Variants in CADM2 observed in about 807,000 individuals in gnomAD.
CADM2 encodes immunoglobulin superfamily member 4D.
A neutral mutation model predicts 49.8 loss-of-function variants in CADM2; 12 were observed. That is an observed-to-expected ratio of 0.24 (90% CI 0.15 to 0.39). The LOEUF (loss-of-function observed/expected upper bound fraction) is 0.39. Among genes scored for constraint, CADM2 ranks in the 10% least tolerant of loss-of-function variants. CADM2 has a pLI of 1.00. For missense variants in CADM2, 378 were observed against 492.3 expected (o/e 0.77, Z 2.20); for synonymous variants, 214 against 175.4 (o/e 1.22, Z -1.74).
At chr3:85,506,862 T>C (rs1352945629) in intron 1 of CADM2, among the ~76,000 whole-genome samples, 1 of 152,212 alleles carries the variant, frequency 6.6e-6, no homozygotes, top group Non-Finnish European at 1.5e-5. Context: ...ATTATCATTA[T>C]AGAATTAACT....
chr3:84,986,386 C>T (rs1198514403), intron 1 of CADM2, among the ~76,000 whole-genome samples: 1 of 152,126 alleles, frequency 6.6e-6, no homozygotes, highest in Non-Finnish European at 1.5e-5. Context: ...TGCCTCACTC[C>T]ATCTCCCACT....
At chr3:85,543,230 TTTTA>T (rs1260558335) in intron 1 of CADM2, among the ~76,000 whole-genome samples, 4 of 100,704 alleles carry the variant, frequency 4.0e-5, no homozygotes, top group African/African-American at 1.1e-4. Flanking sequence ...CCACAACTCT[TTTTA>T]TTTATTTATT....
At chr3:85,209,118 G>T (rs1480759703) in intron 1 of CADM2, among the ~76,000 whole-genome samples, 1 of 152,122 alleles carries the variant, frequency 6.6e-6, no homozygotes, top group East Asian at 1.9e-4. Context: ...AATATGCTGT[G>T]ATTTGTTTTT....
chr3:85,867,423 A>G (rs2075764123), intron 3 of CADM2, among the ~76,000 whole-genome samples: 1 of 152,030 alleles, frequency 6.6e-6, no homozygotes, highest in African/African-American at 2.4e-5. Context: ...TATTGATTGT[A>G]TATTATTTTA....
chr3:85,046,320 C>CTTTTTTT (rs924286569), intron 1 of CADM2, among the ~76,000 whole-genome samples: 5 of 122,842 alleles, frequency 4.1e-5, no homozygotes, highest in South Asian at 2.7e-4. Context: ...TTACAATTTT[C>CTTTTTTT]TTTTTTTTTT....
intron 1 of CADM2, among the ~76,000 whole-genome samples, chr3:85,541,773 T>TATATATATATA (rs1553739263): frequency 1.6e-4 from 1 of 6,178 alleles, no homozygotes; most frequent in African/African-American, 2.4e-4. Context: ...ATATTTTATA[T>TATATATATATA]TTTATATATA....
chr3:85,694,970 A>G (rs1389577229), intron 1 of CADM2, among the ~76,000 whole-genome samples: 1 of 152,186 alleles, frequency 6.6e-6, no homozygotes, highest in African/African-American at 2.4e-5. Flanking sequence ...ACATGCAATG[A>G]TAACTAATTG....
intron 1 of CADM2, among the ~76,000 whole-genome samples, chr3:85,145,417 T>TC (rs2039707571): frequency 1.3e-5 from 2 of 152,190 alleles, no homozygotes; most frequent in African/African-American, 4.8e-5. Flanking sequence ...TGACTTTTTT[T>TC]CCCACAGTAT....
rs59973385 is a variant in CADM2 at position 85,449,083 on chromosome 3, A to ATAATAATAATT, written c.62-277439_62-277438insTAATAATAATT. Among the ~76,000 whole-genome samples the ATAATAATAATT allele has an allele frequency of 7.8e-3, 1,149 of 148,228 alleles. 4 individuals are homozygous for ATAATAATAATT. The highest frequency in any genetic ancestry group is 0.014 in the Middle Eastern group (4 of 282). On this transcript the variant is annotated intron_variant, in intron 1 of 9. Transcript: ENST00000383699. ...TAATAATAATAATAATAATGATAAA[A>ATAATAATAATT]ATTATATAATTCATTATACCATCTT...
At chr3:85,471,729 C>A (rs200138341) in intron 1 of CADM2, among the ~76,000 whole-genome samples, 14 of 48,304 alleles carry the variant, frequency 2.9e-4, no homozygotes, top group Admixed American at 2.9e-3. Context: ...TTTTATTATA[C>A]TTTAAGTTCT....
rs78464998 is a variant in CADM2, at chr3:85,892,022, T to A, written c.529+5695T>A. Reference sequence around the variant, plus strand: ...AACTGAGATCTAGAGAGACAGAATATTTTTTCATGGTCACACATCTGGCAA... The same window carrying A: ...AACTGAGATCTAGAGAGACAGAATAATTTTTCATGGTCACACATCTGGCAA... On this transcript the variant is annotated intron_variant, in intron 5 of 9. Transcript: ENST00000383699. 6.9e-3 allele frequency among the ~76,000 whole-genome samples: 1,045 copies of A among 152,298 alleles called. 14 individuals are homozygous for A. Among genetic ancestry groups the A allele is most frequent in the African/African-American group, 0.022 (918 of 41,560 alleles).
chr3:85,197,699 C>G (rs950106169), intron 1 of CADM2, among the ~76,000 whole-genome samples: 9 of 151,962 alleles, frequency 5.9e-5, no homozygotes, highest in African/African-American at 2.2e-4. Flanking sequence ...GTAAATCGCA[C>G]AAGTCAGCAC....
At chr3:85,278,909 C>T (rs1274651591) in intron 1 of CADM2, among the ~76,000 whole-genome samples, 2 of 151,310 alleles carry the variant, frequency 1.3e-5, no homozygotes, top group South Asian at 4.2e-4. Flanking sequence ...TATCACATAT[C>T]AATGTAAAAC....
intron 1 of CADM2, among the ~76,000 whole-genome samples, chr3:85,473,839 G>A (rs563143641): frequency 1.2e-4 from 18 of 152,126 alleles, no homozygotes; most frequent in Non-Finnish European, 1.9e-4. Context: ...GCCCATGCCT[G>A]TACAACTTTT....
At chr3:85,442,940 T>A (rs1344051288) in intron 1 of CADM2, among the ~76,000 whole-genome samples, 3 of 151,882 alleles carry the variant, frequency 2.0e-5, no homozygotes, top group Non-Finnish European at 4.4e-5. Flanking sequence ...AATTTCCTGA[T>A]ATATTTAATA....
chr3:85,299,548 G>C (rs1009706854), intron 1 of CADM2, among the ~76,000 whole-genome samples: 1 of 152,048 alleles, frequency 6.6e-6, no homozygotes, highest in Admixed American at 6.6e-5. Context: ...GTATGGATCA[G>C]AAGATGTCAA....
At chr3:85,735,204 G>A (rs898055189) in intron 2 of CADM2, among the ~76,000 whole-genome samples, 8 of 152,070 alleles carry the variant, frequency 5.3e-5, no homozygotes, top group African/African-American at 1.9e-4. Flanking sequence ...GAATACTTGG[G>A]CAGAGTAGAA....
chr3:85,154,725 A>G (rs372765726), intron 1 of CADM2, among the ~76,000 whole-genome samples: 1 of 148,154 alleles, frequency 6.7e-6, no homozygotes, highest in East Asian at 2.0e-4. Context: ...AGCCCATCAG[A>G]CTAACAGCGG....
rs1478865381 is a variant in CADM2 at position 85,552,274 on chromosome 3, G to T, written c.62-174248G>T. ...ATTAGAGCTCAGGTCTATGACATTTGACTATGACATTTAAATAATAATTTG... is the reference window on the plus strand; with the variant it reads ...ATTAGAGCTCAGGTCTATGACATTTTACTATGACATTTAAATAATAATTTG... On this transcript the variant is annotated intron_variant, in intron 1 of 9. Coordinates refer to ENST00000383699, the MANE Select transcript of CADM2 (RefSeq NM_001167675.2). Among the ~76,000 whole-genome samples, 5 of 149,926 alleles carry T rather than the reference G, an allele frequency of 3.3e-5. No individual in the cohort carries two copies. In the South Asian group the frequency reaches 1.0e-3, roughly 31 times the overall value.
Sources: gnomAD v4.1 joint callset for allele counts (sites outside exome capture counted in the v4.1 genomes callset) on GRCh38, gnomAD v4.1.1 for gene constraint, MANE v1.5 for transcripts, NCBI Gene and HGNC (gene_info 2026-07-23, HGNC 2026-07-21) for gene names.